Variants in PUDP observed in about 807,000 individuals in gnomAD.
PUDP encodes pseudouridine 5'-phosphatase.
PUDP carries 8 observed loss-of-function variants against 9.4 expected under a neutral mutation model. The ratio of observed to expected loss-of-function variants is 0.85; its 90% CI spans 0.50 to 1.53. PUDP has a LOEUF of 1.53. Among genes scored for constraint, PUDP ranks in the 40% most tolerant of loss-of-function variants. The pLI, the probability that PUDP is intolerant of heterozygous loss-of-function variation, is 0.00. For synonymous variants in PUDP, 99 were observed against 80.7 expected (o/e 1.23, Z -1.22); for missense variants, 188 against 189.7 (o/e 0.99, Z 0.05).
chrX:6,749,471 G>T (rs1405794251), intron 3 of PUDP, among the ~76,000 whole-genome samples: 1 of 111,417 alleles, frequency 9.0e-6, no homozygotes, highest in Non-Finnish European at 1.9e-5. Context: ...CAATTGTCTG[G>T]ATAGGAGAGG....
intron 3 of PUDP, among the ~76,000 whole-genome samples, chrX:6,948,128 G>T: frequency 1.8e-5 from 2 of 112,222 alleles, no homozygotes; most frequent in Middle Eastern, 9.2e-3. Context: ...GATAGAGTGA[G>T]GCCCATTCTC....
Position 6,731,399 on chromosome X carries a change from C to T in PUDP, c.*248-24933G>A, listed in dbSNP as rs182530264. ...AGGGGATACAGTCTTAAGCTACGAG[C>T]TGTCTGAGTCTTAACAAAATCTCAG... On this transcript the variant is annotated intron_variant and NMD_transcript_variant, in intron 3 of 3. Coordinates refer to the PUDP transcript ENST00000655425. 2.7e-5 allele frequency among the ~76,000 whole-genome samples: 3 copies of T among 111,676 alleles called. No homozygotes were observed. The Admixed American group carries it at 2.9e-4, about 11-fold the overall frequency.
At chrX:6,822,805 T>C (rs1211204624) in intron 3 of PUDP, among the ~76,000 whole-genome samples, 1 of 108,950 alleles carries the variant, frequency 9.2e-6, no homozygotes, top group Admixed American at 1.0e-4. Flanking sequence ...ATCACGCCGG[T>C]ATTAAGCCCA....
At chrX:6,971,704 G>A (rs76936339) in intron 3 of PUDP, among the ~76,000 whole-genome samples, 7,403 of 110,959 alleles carry the variant, frequency 0.067, 255 homozygotes, top group Admixed American at 0.14. Flanking sequence ...GATTACAGGC[G>A]TGAGCCACTG....
At chrX:6,794,854 C>T (rs372196431) in intron 3 of PUDP, among the ~76,000 whole-genome samples, 18 of 109,159 alleles carry the variant, frequency 1.6e-4, no homozygotes, top group East Asian at 1.1e-3. Context: ...CCACCACACC[C>T]GACCTCTTTC....
chrX:6,802,289 G>A (rs1319746937), intron 3 of PUDP, among the ~76,000 whole-genome samples: 1 of 111,478 alleles, frequency 9.0e-6, no homozygotes, highest in Non-Finnish European at 1.9e-5. Context: ...TGAAGAGGGA[G>A]GGAGGAATGA....
At chrX:7,130,602 C>A (rs4830616) in intron 1 of PUDP, among the ~76,000 whole-genome samples, 2 of 109,477 alleles carry the variant, frequency 1.8e-5, no homozygotes, top group Admixed American at 2.0e-4. Context: ...TCACTTGAGT[C>A]CAGGAGTTTG....
chrX:6,832,434 G>A (rs972709144), intron 3 of PUDP, among the ~76,000 whole-genome samples: 1 of 112,186 alleles, frequency 8.9e-6, no homozygotes, highest in African/African-American at 3.2e-5. Context: ...GCCTCCCTAT[G>A]AGTGGGACGC....
At chrX:6,751,103 C>G (rs944296890) in intron 3 of PUDP, among the ~76,000 whole-genome samples, 13 of 107,450 alleles carry the variant, frequency 1.2e-4, no homozygotes, top group African/African-American at 3.8e-4. Flanking sequence ...GATTGTGCCA[C>G]TGCACTCCAG....
intron 3 of PUDP, among the ~76,000 whole-genome samples, chrX:6,760,303 T>C (rs1925215963): frequency 8.9e-6 from 1 of 112,147 alleles, no homozygotes; most frequent in Middle Eastern, 4.6e-3. Context: ...CTGGAGGCTC[T>C]GTCTAGCCTC....
intron 1 of PUDP, among the ~76,000 whole-genome samples, chrX:7,120,315 A>C (rs1328093457): frequency 1.8e-5 from 2 of 110,986 alleles, no homozygotes; most frequent in Non-Finnish European, 3.8e-5. Context: ...GGTCCTTATA[A>C]GAGGCGGCCA....
chrX:6,730,745 T>C (rs1924799569), intron 3 of PUDP, among the ~76,000 whole-genome samples: 2 of 112,154 alleles, frequency 1.8e-5, no homozygotes, highest in Admixed American at 9.4e-5. Flanking sequence ...AAACCACCCA[T>C]GCTAAGAGCT....
intron 2 of PUDP, among the ~76,000 whole-genome samples, chrX:7,095,760 A>G (rs1472803687): frequency 8.9e-6 from 1 of 112,674 alleles, no homozygotes; most frequent in Non-Finnish European, 1.9e-5. Context: ...AGAGCGGCCT[A>G]TAAACCAAGG....
chrX:6,914,108 A>C (rs7057932), intron 3 of PUDP, among the ~76,000 whole-genome samples: 3,823 of 101,793 alleles, frequency 0.038, 211 homozygotes, highest in African/African-American at 0.13. Flanking sequence ...CGGAGCTTGC[A>C]GTGAGCCGAG....
upstream of PUDP, among the ~76,000 whole-genome samples, chrX:6,722,995 C>G (rs943019148): frequency 9.0e-5 from 10 of 110,885 alleles, no homozygotes; most frequent in Non-Finnish European, 1.7e-4. Context: ...TTTGGAAATA[C>G]CTAGTAAAGT....
At chrX:6,950,153 C>T (rs190962633) in intron 3 of PUDP, among the ~76,000 whole-genome samples, 570 of 108,418 alleles carry the variant, frequency 5.3e-3, no homozygotes, top group African/African-American at 0.018. Context: ...GCCTGGCCAA[C>T]GTGGTGAAAC....
At chrX:7,139,549 G>A (rs1932776096) in intron 1 of PUDP, among the ~76,000 whole-genome samples, 2 of 60,469 alleles carry the variant, frequency 3.3e-5, no homozygotes, top group African/African-American at 1.5e-4. Flanking sequence ...CATGGCAGCT[G>A]ACACAAGTGG....
intron 3 of PUDP, among the ~76,000 whole-genome samples, chrX:6,970,152 A>T (rs751285894): frequency 8.9e-6 from 1 of 112,349 alleles, no homozygotes; most frequent in African/African-American, 3.2e-5. Context: ...AGATCCAAAG[A>T]AATATAGCAA....
At chrX:6,902,837 T>C (rs562706929) in intron 3 of PUDP, among the ~76,000 whole-genome samples, 1 of 111,723 alleles carries the variant, frequency 9.0e-6, no homozygotes, top group East Asian at 2.8e-4. Context: ...AAGCTTGCCA[T>C]GTAGGGAGTG....
Sources: gnomAD v4.1 joint callset for allele counts (sites outside exome capture counted in the v4.1 genomes callset) on GRCh38, gnomAD v4.1.1 for gene constraint, MANE v1.5 for transcripts, NCBI Gene and HGNC (gene_info 2026-07-23, HGNC 2026-07-21) for gene names.